Variants in RMND5B observed in about 807,000 individuals in gnomAD.
The protein encoded by RMND5B is E3 ubiquitin-protein transferase RMND5B.
Under a neutral mutation model 50.4 loss-of-function variants are expected in RMND5B, and 42 were observed. That is an observed-to-expected ratio of 0.83 (90% CI 0.65 to 1.08). The LOEUF is 1.08. RMND5B is among the 50% of genes least tolerant of loss of function. The pLI, the probability that RMND5B is intolerant of heterozygous loss-of-function variation, is 0.00. For synonymous variants in RMND5B, 220 were observed against 210.0 expected (o/e 1.05, Z -0.41); for missense variants, 463 against 508.5 (o/e 0.91, Z 0.86).
Position 178,144,101 on chromosome 5 carries a change from CCAGCGGGGTGAGTGCCCAGG to C in RMND5B, c.692_694+17del, listed in dbSNP as rs1755847603. ...ACTTCCAGCCCTTTGCTCGGCTGCA[CCAGCGGGGTGAGTGCCCAGG>C]CAGCTGGGGTTGTGCTGCCTGGCCT... is the stretch of plus-strand genomic sequence containing the variant. On this transcript the variant is annotated splice_donor_variant and splice_donor_5th_base_variant and coding_sequence_variant and intron_variant, in exon 7 of 11. Coordinates refer to ENST00000313386, the MANE Select transcript of RMND5B (RefSeq NM_022762.5). LOFTEE classifies it high-confidence loss of function. 3.7e-6 allele frequency: 6 copies of C among 1,613,224 alleles called. No homozygotes were observed. The highest frequency in any genetic ancestry group is 5.1e-6 in the Non-Finnish European group (6 of 1,179,498).
In RMND5B at chr5:178,148,639, G is replaced by A. The variant is rs552967946; in HGVS notation, c.*607G>A. The stretch of plus-strand genomic sequence containing the variant: ...TCTACCACACACAGGGACTGGGCAC[G>A]GCCTGGTGGCTGCCGCAAACAAAAA... On this transcript the variant is annotated 3_prime_UTR_variant, in exon 11 of 11. Coordinates refer to ENST00000313386, the MANE Select transcript of RMND5B (RefSeq NM_022762.5). The A allele has an allele frequency of 4.0e-4, 62 of 153,888 alleles. No individual in the cohort carries two copies. The highest frequency in any genetic ancestry group is 6.4e-4 in the Non-Finnish European group (44 of 69,260). 9.5% of individuals were successfully genotyped at this position (153,888 alleles called of 1,614,324 possible).
chr5:178,142,320 C>T lies in RMND5B; in HGVS notation c.140-263C>T, dbSNP rs544370534. 15 of 460,306 alleles carry T rather than the reference C, an allele frequency of 3.3e-5. No homozygotes were observed. The Admixed American group carries it at 4.4e-4, about 13-fold the overall frequency. 28.5% of individuals were successfully genotyped at this position (460,306 alleles called of 1,614,324 possible). Reference sequence around the variant, plus strand: ...ACTTGACCCATAGTAAGTGCCAGATCATCTTCATTTCACAGCAACCAGTAA... The same window carrying T: ...ACTTGACCCATAGTAAGTGCCAGATTATCTTCATTTCACAGCAACCAGTAA... On this transcript the variant is annotated intron_variant, in intron 3 of 10. Coordinates refer to ENST00000313386, the MANE Select transcript of RMND5B (RefSeq NM_022762.5).
chr5:178,147,240 C>A, intron 8 of RMND5B: 1 of 447,670 alleles, frequency 2.2e-6, no homozygotes, highest in Non-Finnish European at 4.0e-6. Flanking sequence ...TCCCTAGTCA[C>A]ACCAAGGACT....
At chr5:178,142,049 AG>A (rs1444728952) in intron 3 of RMND5B, 1 of 156,844 alleles carries the variant, frequency 6.4e-6, no homozygotes, top group African/African-American at 2.4e-5. Flanking sequence ...GCTGAATAAT[AG>A]TCCACTGTAG....
chr5:178,132,419 C>T (rs903189023), intron 2 of RMND5B, among the ~76,000 whole-genome samples: 15 of 151,796 alleles, frequency 9.9e-5, no homozygotes, highest in Non-Finnish European at 1.5e-4. Flanking sequence ...CCAGCCTGGG[C>T]GACAGAGTAA....
chr5:178,136,565 C>T (rs1758632490), intron 2 of RMND5B, among the ~76,000 whole-genome samples: 2 of 152,158 alleles, frequency 1.3e-5, no homozygotes, highest in Admixed American at 1.3e-4. Context: ...TGTTGCCTGT[C>T]AGGTTGGGAG....
chr5:178,143,363 T>C (rs1755793850), intron 5 of RMND5B, among the ~76,000 whole-genome samples: 1 of 152,142 alleles, frequency 6.6e-6, no homozygotes, highest in Non-Finnish European at 1.5e-5. Flanking sequence ...TGCAACTCAG[T>C]GCGTAGCCTG....
At chr5:178,134,677 A>G (rs1758518859) in intron 2 of RMND5B, among the ~76,000 whole-genome samples, 1 of 152,156 alleles carries the variant, frequency 6.6e-6, no homozygotes, top group Non-Finnish European at 1.5e-5. Flanking sequence ...TTTTACTTTT[A>G]AAAATTTGGC....
chr5:178,148,155 C>A lies in RMND5B; in HGVS notation c.*123C>A. The A allele has an allele frequency of 2.2e-6, 2 of 920,372 alleles. No individual in the cohort carries two copies. Among genetic ancestry groups the A allele is most frequent in the Non-Finnish European group, 1.7e-6 (1 of 576,482 alleles). The allele number at this position is 920,372 out of a possible 1,614,324, so 57.0% of individuals were successfully genotyped here. ...CAGAGCGCCTGGCTGAGGAGTTCCA[C>A]TGAGGGGAGCACTGGAGCAGCCCTT... On this transcript the variant is annotated 3_prime_UTR_variant, in exon 11 of 11. Transcript: ENST00000313386.
chr5:178,145,799 G>T (rs1246633680), intron 7 of RMND5B, among the ~76,000 whole-genome samples: 2 of 152,234 alleles, frequency 1.3e-5, no homozygotes, highest in Non-Finnish European at 2.9e-5. Flanking sequence ...GGAGACACCA[G>T]TGCCAACCTG....
Position 178,131,330 on chromosome 5 carries a change from TCAAAC to T in RMND5B, c.-58_-54del. 6.6e-6 allele frequency: 1 copy of T among 152,144 alleles called. No homozygotes were observed. Among genetic ancestry groups the T allele is most frequent in the Admixed American group, 6.5e-5 (1 of 15,280 alleles). 9.4% of individuals were successfully genotyped at this position (152,144 alleles called of 1,614,324 possible). A position where few individuals can be genotyped will look rare whatever the true frequency, so the allele number is the denominator to read the frequency against. ...CTCAGCCGGGGGGAGTTGCTCGGAC[TCAAAC>T]GTCCAGTCCTCGTGCGACCGCGCTG... On this transcript the variant is annotated 5_prime_UTR_variant, in exon 2 of 11. Transcript: ENST00000313386.
In RMND5B at chr5:178,149,942, T is replaced by C; in HGVS notation, c.*1910T>C. The C allele has an allele frequency of 8.0e-7, 1 of 1,252,536 alleles. No homozygotes were observed. Among genetic ancestry groups the C allele is most frequent in the East Asian group, 2.4e-5 (1 of 42,500 alleles). The allele number at this position is 1,252,536 out of a possible 1,614,324, so 77.6% of individuals were successfully genotyped here. On this transcript the variant is annotated 3_prime_UTR_variant, in exon 11 of 11. Coordinates refer to ENST00000313386, the MANE Select transcript of RMND5B (RefSeq NM_022762.5). ...CAGCCTAATCTGGCCCACAACCATGTTCTGTTCGGTCCATGTTCTATTTAA... is the reference window on the plus strand; with the variant it reads ...CAGCCTAATCTGGCCCACAACCATGCTCTGTTCGGTCCATGTTCTATTTAA...
At chr5:178,143,873 C>G (rs1328700552) in intron 6 of RMND5B, 69 bp from the exon 7 acceptor site, 1 of 1,573,074 alleles carries the variant, frequency 6.4e-7, no homozygotes, top group African/African-American at 1.4e-5. Flanking sequence ...TGGGGCCCTC[C>G]TCTCAGGTGC....
At chr5:178,144,559 C>T (rs899411485) in intron 7 of RMND5B, among the ~76,000 whole-genome samples, 2 of 151,806 alleles carry the variant, frequency 1.3e-5, no homozygotes, top group South Asian at 2.1e-4. Context: ...TGGTAAAACC[C>T]CATCTCTACT....
Position 178,148,233 on chromosome 5 carries a change from A to T in RMND5B, c.*201A>T. 1.6e-6 allele frequency: 1 copy of T among 609,186 alleles called. No homozygotes were observed. Among genetic ancestry groups the T allele is most frequent in the Non-Finnish European group, 2.9e-6 (1 of 342,508 alleles). The allele number at this position is 609,186 out of a possible 1,614,324, so 37.7% of individuals were successfully genotyped here. A position where few individuals can be genotyped will look rare whatever the true frequency, so the allele number is the denominator to read the frequency against. On this transcript the variant is annotated 3_prime_UTR_variant, in exon 11 of 11. Coordinates refer to ENST00000313386, the MANE Select transcript of RMND5B (RefSeq NM_022762.5). ...CAGCCCACGCCTGGCACCTGGCTCC[A>T]TGGCATAAGGAAAGGGAGATGCTGG...
chr5:178,146,266 C>T lies in RMND5B; in HGVS notation c.847C>T (p.Pro283Ser). The stretch of plus-strand genomic sequence containing the variant: ...CCTGCTGGGGCTTTCTGTGGAGTCC[C>T]CCCTTAGCGTCAGGTACAACCCAGC... ...CSLLGLSVES[P>S]LSVSFASGCV... Residue 283 changes from proline to serine, a missense_variant, in exon 8 of 11, where the codon CCC becomes TCC. Pro to Ser is a moderately conservative substitution (Grantham distance 74). Coordinates refer to ENST00000313386, the MANE Select transcript of RMND5B (RefSeq NM_022762.5). 3.7e-6 allele frequency: 6 copies of T among 1,614,092 alleles called. No individual in the cohort carries two copies. The highest frequency in any genetic ancestry group is 5.1e-6 in the Non-Finnish European group (6 of 1,179,976).
chr5:178,149,635 G>A lies in RMND5B; in HGVS notation c.*1603G>A, dbSNP rs1338034547. 2.5e-6 allele frequency: 4 copies of A among 1,587,358 alleles called. No individual in the cohort carries two copies. The highest frequency in any genetic ancestry group is 3.4e-6 in the Non-Finnish European group (4 of 1,160,978). ...CTGGGAAGATGCCGTCAGTGTGGGT[G>A]GGCAGGAGGACAGCCAGTCGTCCTG... On this transcript the variant is annotated 3_prime_UTR_variant, in exon 11 of 11. Coordinates refer to ENST00000313386, the MANE Select transcript of RMND5B (RefSeq NM_022762.5).
intron 2 of RMND5B, chr5:178,133,420 T>A (rs1198942624): frequency 6.6e-6 from 1 of 152,244 alleles, no homozygotes; most frequent in East Asian, 1.9e-4. Context: ...TTTTTTTAAA[T>A]TTGAGACGGA....
chr5:178,149,630 T>G lies in RMND5B; in HGVS notation c.*1598T>G. 2 of 1,585,312 alleles carry G rather than the reference T, an allele frequency of 1.3e-6. No individual in the cohort carries two copies. The highest frequency in any genetic ancestry group is 8.6e-7 in the Non-Finnish European group (1 of 1,159,760). ...GGGAACTGGGAAGATGCCGTCAGTG[T>G]GGGTGGGCAGGAGGACAGCCAGTCG... On this transcript the variant is annotated 3_prime_UTR_variant, in exon 11 of 11. Transcript: ENST00000313386.
Sources: allele counts gnomAD v4.1 joint callset (sites outside exome capture counted in the v4.1 genomes callset), GRCh38; gene constraint gnomAD v4.1.1; transcripts MANE v1.5; gene names NCBI Gene and HGNC (gene_info 2026-07-23, HGNC 2026-07-21).